The following ASB5 variants were observed in gnomAD, a reference collection of about 807,000 sequenced individuals.
ASB5 encodes the protein ankyrin repeat and SOCS box protein 5.
Under a neutral mutation model 42.1 loss-of-function variants are expected in ASB5, and 45 were observed. The observed-to-expected ratio is 1.07, with a 90% CI of 0.84 to 1.37. ASB5 has a LOEUF of 1.37. ASB5 is among the 40% of genes most tolerant of loss of function. The pLI, the probability that ASB5 is intolerant of heterozygous loss-of-function variation, is 0.00. For synonymous variants in ASB5, 147 were observed against 150.6 expected, an observed-to-expected ratio of 0.98 and a Z score of 0.18; for missense variants, 402 against 399.8, an observed-to-expected ratio of 1.01 and a Z score of -0.05.
At chr4:176,274,400 T>C (rs1464984499) in intron 2 of ASB5, among the ~76,000 whole-genome samples, 2 of 152,240 alleles carry the variant, frequency 1.3e-5, no homozygotes, top group South Asian at 2.1e-4. Context: ...TCTGGAGTCC[T>C]TGTAAAGAGA....
intron 1 of ASB5, among the ~76,000 whole-genome samples, chr4:176,243,487 G>A (rs888708432): frequency 2.6e-5 from 4 of 151,652 alleles, no homozygotes; most frequent in African/African-American, 2.4e-5. Flanking sequence ...GCATCTAGTA[G>A]GTTTTTTCCT....
intron 2 of ASB5, among the ~76,000 whole-genome samples, chr4:176,223,329 G>C (rs1009686753): frequency 6.6e-6 from 1 of 152,114 alleles, no homozygotes; most frequent in Non-Finnish European, 1.5e-5. Context: ...AATTAAATGA[G>C]ATCATGCATG....
At chr4:176,260,263 G>C (rs1754232540) in intron 1 of ASB5, among the ~76,000 whole-genome samples, 1 of 152,164 alleles carries the variant, frequency 6.6e-6, no homozygotes, top group Non-Finnish European at 1.5e-5. Context: ...TAGCTTCTGA[G>C]CCCCTGACGG....
At position 176,214,074 on chromosome 4, in the gene ASB5, T is replaced by A. The variant is rs1752904268; in HGVS notation, c.*1526A>T. On this transcript the variant is annotated 3_prime_UTR_variant, in exon 7 of 7. Coordinates refer to ENST00000296525, the MANE Select transcript of ASB5 (RefSeq NM_080874.4). ...AAGGTCCCTATCCTCATATAAAACA[T>A]TGTTTAGTGAATATGCTACAGCTTT... 1 of 152,152 alleles carries A rather than the reference T, an allele frequency of 6.6e-6. No individual in the cohort carries two copies. Among genetic ancestry groups the A allele is most frequent in the South Asian group, 2.1e-4 (1 of 4,830 alleles). 9.4% of individuals were successfully genotyped at this position (152,152 alleles called of 1,614,324 possible).
chr4:176,219,139 TATATAA>T (rs1245581566), intron 5 of ASB5, among the ~76,000 whole-genome samples: 2 of 118,616 alleles, frequency 1.7e-5, no homozygotes, highest in Non-Finnish European at 3.2e-5. Context: ...ATTTGTATGA[TATATAA>T]ATATATATTT....
At chr4:176,225,155 G>A in intron 2 of ASB5, 107 bp downstream of exon 2, 2 of 809,542 alleles carry the variant, frequency 2.5e-6, no homozygotes, top group South Asian at 2.1e-5. Context: ...AAATAAAAGG[G>A]CAGAAGTAAA....
chr4:176,238,510 G>T (rs1181355778), intron 1 of ASB5, among the ~76,000 whole-genome samples: 1 of 152,174 alleles, frequency 6.6e-6, no homozygotes, highest in Non-Finnish European at 1.5e-5. Context: ...GTTGAAAAAG[G>T]CACAGAGTCT....
intron 1 of ASB5, among the ~76,000 whole-genome samples, chr4:176,230,171 A>G (rs13141816): frequency 1.3e-5 from 2 of 152,094 alleles, no homozygotes; most frequent in African/African-American, 4.8e-5. Flanking sequence ...CTCTAAATGC[A>G]CAATAAATAA....
chr4:176,221,729 A>G, intron 3 of ASB5, 129 bp from the exon 4 acceptor site: 1 of 871,118 alleles, frequency 1.1e-6, no homozygotes. Flanking sequence ...TAAATATGAC[A>G]AAGTATACTT....
chr4:176,265,896 G>A (rs1754346908), intron 1 of ASB5, among the ~76,000 whole-genome samples: 1 of 152,112 alleles, frequency 6.6e-6, no homozygotes, highest in African/African-American at 2.4e-5. Context: ...ATACAAAAAA[G>A]CAAAGCAAAG....
intron 1 of ASB5, among the ~76,000 whole-genome samples, chr4:176,235,787 C>T (rs1013397026): frequency 9.5e-5 from 14 of 147,184 alleles, no homozygotes; most frequent in Non-Finnish European, 1.8e-4. Context: ...TTTGCTAAGA[C>T]TTGTCTTTTT....
intron 1 of ASB5, among the ~76,000 whole-genome samples, chr4:176,252,443 C>A (rs1754061633): frequency 6.6e-6 from 1 of 152,328 alleles, no homozygotes; most frequent in South Asian, 2.1e-4. Context: ...TTCTCCCTTC[C>A]TCTTTCCCTT....
chr4:176,265,523 T>C (rs1181249667), intron 1 of ASB5, among the ~76,000 whole-genome samples: 1 of 152,156 alleles, frequency 6.6e-6, no homozygotes, highest in African/African-American at 2.4e-5. Context: ...GCTCAAAAAA[T>C]CAATGCTTAG....
upstream of ASB5, among the ~76,000 whole-genome samples, chr4:176,270,681 G>T (rs760015485): frequency 6.6e-6 from 1 of 152,158 alleles, no homozygotes; most frequent in Admixed American, 6.5e-5. Flanking sequence ...TTGGGAGTCA[G>T]TGAAAATTAA....
intron 1 of ASB5, among the ~76,000 whole-genome samples, chr4:176,245,026 G>A (rs1027029900): frequency 6.6e-6 from 1 of 152,128 alleles, no homozygotes; most frequent in Non-Finnish European, 1.5e-5. Flanking sequence ...CTCTTTATAA[G>A]CTGTCCCCTA....
intron 1 of ASB5, chr4:176,237,273 T>G: frequency 1.0e-6 from 1 of 985,698 alleles, no homozygotes; most frequent in Non-Finnish European, 1.2e-6. Context: ...CTGACAGATT[T>G]GAAATGGCTG....
At chr4:176,226,845 C>T (rs1044487854) in intron 1 of ASB5, among the ~76,000 whole-genome samples, 7 of 152,218 alleles carry the variant, frequency 4.6e-5, no homozygotes, top group African/African-American at 1.4e-4. Flanking sequence ...GGGGCTGCAA[C>T]ATGTTGCCAT....
At chr4:176,265,014 G>T (rs567141235) in intron 1 of ASB5, among the ~76,000 whole-genome samples, 7 of 151,784 alleles carry the variant, frequency 4.6e-5, no homozygotes, top group Non-Finnish European at 8.8e-5. Flanking sequence ...AATCTCTCTC[G>T]TCCAACTCCA....
chr4:176,261,511 C>T (rs928400270), intron 1 of ASB5, among the ~76,000 whole-genome samples: 23 of 152,292 alleles, frequency 1.5e-4, no homozygotes, highest in African/African-American at 5.3e-4. Context: ...ATTTATACTT[C>T]CACCTTTGCT....
Sources: allele counts gnomAD v4.1 joint callset (sites outside exome capture counted in the v4.1 genomes callset), GRCh38; gene constraint gnomAD v4.1.1; transcripts MANE v1.5; gene names NCBI Gene and HGNC (gene_info 2026-07-23, HGNC 2026-07-21).